NLGN1: variants seen among roughly 807,000 people sequenced by gnomAD.
NLGN1 encodes the protein neuroligin-1.
In NLGN1, 12 loss-of-function variants were observed where a neutral mutation model predicts 65.5. That is an observed-to-expected ratio of 0.18 (90% CI 0.12 to 0.30). The LOEUF (loss-of-function observed/expected upper bound fraction) is 0.30, where lower values mean the gene tolerates loss of function less well. Ranked by LOEUF, NLGN1 falls within the 10% of genes least tolerant of loss-of-function variation. The pLI, the probability that NLGN1 is intolerant of heterozygous loss-of-function variation, is 1.00. For synonymous variants in NLGN1, 350 were observed against 359.5 expected, an observed-to-expected ratio of 0.97 and a Z score of 0.30; for missense variants, 750 against 1,007.1, an observed-to-expected ratio of 0.74 and a Z score of 3.46.
chr3:174,288,007 G>A (rs1463941896), downstream of NLGN1, among the ~76,000 whole-genome samples: 2 of 151,516 alleles, frequency 1.3e-5, no homozygotes, highest in East Asian at 1.9e-4. Context: ...TGTTAAACAC[G>A]TGGCCAATTC....
chr3:174,011,906 T>C lies in NLGN1; in HGVS notation c.646+204074T>C, dbSNP rs374226363. Among the ~76,000 whole-genome samples the C allele has an allele frequency of 2.6e-5, 4 of 152,158 alleles. 1 individual carries two copies. Among genetic ancestry groups the C allele is most frequent in the East Asian group, 3.9e-4 (2 of 5,190 alleles). On this transcript the variant is annotated intron_variant, in intron 4 of 6. Coordinates refer to ENST00000457714, the Ensembl canonical transcript of NLGN1. Reference sequence around the variant, plus strand: ...AAGAAAACAAAGTGCCATTCTATGGTATAAAGGAGGTGCTCATTATTCCCA... The same window carrying C: ...AAGAAAACAAAGTGCCATTCTATGGCATAAAGGAGGTGCTCATTATTCCCA...
At chr3:174,041,892 A>C (rs1449104085) in intron 4 of NLGN1, among the ~76,000 whole-genome samples, 1 of 152,152 alleles carries the variant, frequency 6.6e-6, no homozygotes, top group Admixed American at 6.5e-5. Context: ...TGTCTCTGCT[A>C]AAAATACAAA....
At chr3:173,788,833 TAAAAAAAAAAAAAA>T (rs3979635) in intron 3 of NLGN1, among the ~76,000 whole-genome samples, 13 of 53,488 alleles carry the variant, frequency 2.4e-4, no homozygotes, top group East Asian at 1.3e-3. Context: ...AGACCTCATT[TAAAAAAAAAAAAAA>T]AAAAAAAAAA....
intron 2 of NLGN1, among the ~76,000 whole-genome samples, chr3:173,522,623 CG>C (rs1560379463): frequency 6.6e-5 from 10 of 151,906 alleles, no homozygotes; most frequent in Non-Finnish European, 1.3e-4. Context: ...TTAGTAGAGA[CG>C]GGGTTTCACC....
At chr3:173,809,125 C>G (rs374727997) in intron 4 of NLGN1, among the ~76,000 whole-genome samples, 5 of 152,084 alleles carry the variant, frequency 3.3e-5, no homozygotes, top group African/African-American at 1.2e-4. Flanking sequence ...ATAAAATATT[C>G]TGTAGCACTG....
intron 4 of NLGN1, among the ~76,000 whole-genome samples, chr3:173,815,945 C>A (rs1363840872): frequency 6.7e-6 from 1 of 149,888 alleles, no homozygotes; most frequent in East Asian, 1.9e-4. Flanking sequence ...TTATGTCATT[C>A]TTTTAGTTAT....
At chr3:174,126,198 G>A (rs925676272) in intron 4 of NLGN1, among the ~76,000 whole-genome samples, 3 of 151,960 alleles carry the variant, frequency 2.0e-5, no homozygotes, top group Non-Finnish European at 2.9e-5. Context: ...TTCTTTGTTT[G>A]TTTGTTTGTT....
chr3:173,565,607 A>G (rs1402302855), intron 2 of NLGN1, among the ~76,000 whole-genome samples: 1 of 152,182 alleles, frequency 6.6e-6, no homozygotes, highest in African/African-American at 2.4e-5. Flanking sequence ...GGTTTATTAC[A>G]TTGCACAGGA....
At chr3:173,435,687 T>G (rs1017550770) in intron 2 of NLGN1, among the ~76,000 whole-genome samples, 2 of 151,962 alleles carry the variant, frequency 1.3e-5, no homozygotes, top group South Asian at 2.1e-4. Flanking sequence ...ATACAAAAAT[T>G]AGCCAGGCGT....
At chr3:173,944,741 T>C (rs2152316179) in intron 4 of NLGN1, among the ~76,000 whole-genome samples, 1 of 152,324 alleles carries the variant, frequency 6.6e-6, no homozygotes, top group Non-Finnish European at 1.5e-5. Context: ...TTTGCTCCTT[T>C]CTGGTCTGAT....
chr3:173,693,654 G>A (rs1327221489), intron 3 of NLGN1, among the ~76,000 whole-genome samples: 1 of 151,824 alleles, frequency 6.6e-6, no homozygotes, highest in Non-Finnish European at 1.5e-5. Context: ...TCTAATATTG[G>A]CTATACAGCA....
intron 4 of NLGN1, among the ~76,000 whole-genome samples, chr3:174,226,553 A>T (rs752956105): frequency 5.3e-5 from 8 of 152,128 alleles, no homozygotes; most frequent in Admixed American, 1.3e-4. Context: ...TTGGGGAACT[A>T]TTGAAGACTA....
At chr3:174,132,673 T>C (rs1032244204) in intron 4 of NLGN1, among the ~76,000 whole-genome samples, 2 of 152,208 alleles carry the variant, frequency 1.3e-5, no homozygotes, top group Non-Finnish European at 2.9e-5. Context: ...AGTCACTGCC[T>C]CAGGAGTCAG....
intron 4 of NLGN1, among the ~76,000 whole-genome samples, chr3:174,249,152 C>A (rs1482982712): frequency 6.6e-6 from 1 of 152,182 alleles, no homozygotes; most frequent in Non-Finnish European, 1.5e-5. Context: ...TAAAAACATA[C>A]CTTTTATAGG....
intron 4 of NLGN1, among the ~76,000 whole-genome samples, chr3:174,113,219 T>A (rs904466375): frequency 6.6e-6 from 1 of 151,990 alleles, no homozygotes; most frequent in African/African-American, 2.4e-5. Context: ...TTGTCAATAG[T>A]ATACAATCTC....
intron 4 of NLGN1, among the ~76,000 whole-genome samples, chr3:173,938,073 G>A (rs1427572712): frequency 1.3e-5 from 2 of 152,070 alleles, no homozygotes; most frequent in East Asian, 3.9e-4. Flanking sequence ...GTCAAACACT[G>A]GGAATACAAA....
chr3:173,544,502 T>A (rs960179772), intron 2 of NLGN1, among the ~76,000 whole-genome samples: 3 of 152,114 alleles, frequency 2.0e-5, no homozygotes, highest in African/African-American at 4.8e-5. Flanking sequence ...TGGGCAACTA[T>A]GTAGCCGTAT....
intron 4 of NLGN1, among the ~76,000 whole-genome samples, chr3:174,007,619 G>A (rs17259117): frequency 0.035 from 5,388 of 152,242 alleles, 133 homozygotes; most frequent in Non-Finnish European, 0.054. Flanking sequence ...CTTGATAGCA[G>A]AAACCAGATC....
At chr3:173,945,596 T>A (rs530733495) in intron 4 of NLGN1, among the ~76,000 whole-genome samples, 2 of 152,204 alleles carry the variant, frequency 1.3e-5, no homozygotes, top group African/African-American at 4.8e-5. Flanking sequence ...ATATTTTCAA[T>A]GCCAGTGAAA....
Sources: gnomAD v4.1 joint callset for allele counts (sites outside exome capture counted in the v4.1 genomes callset) on GRCh38, gnomAD v4.1.1 for gene constraint, MANE v1.5 for transcripts, NCBI Gene and HGNC (gene_info 2026-07-23, HGNC 2026-07-21) for gene names.